Variants in NRG1 observed in about 807,000 individuals in gnomAD.
NRG1 encodes pro-neuregulin-1, membrane-bound isoform.
NRG1 carries 18 observed loss-of-function variants against 63.8 expected under a neutral mutation model. The ratio of observed to expected loss-of-function variants is 0.28; its 90% CI spans 0.19 to 0.42. NRG1 has a LOEUF of 0.42. NRG1 is among the 10% of genes least tolerant of loss of function. NRG1 has a pLI of 1.00. For synonymous variants in NRG1, 302 were observed against 301.3 expected (o/e 1.00, Z -0.02); for missense variants, 762 against 814.7 (o/e 0.94, Z 0.79).
chr8:32,476,468 T>C (rs1252846295), intron 1 of NRG1, among the ~76,000 whole-genome samples: 1 of 152,244 alleles, frequency 6.6e-6, no homozygotes, highest in Non-Finnish European at 1.5e-5. Flanking sequence ...GGAAGTTTCT[T>C]TCTGACTTAT....
At chr8:31,726,261 A>G (rs550593743) in intron 1 of NRG1, among the ~76,000 whole-genome samples, 1 of 152,296 alleles carries the variant, frequency 6.6e-6, no homozygotes, top group Non-Finnish European at 1.5e-5. Flanking sequence ...TTAAATACTG[A>G]AAATGAGATG....
At chr8:32,515,026 A>T (rs760156584) in intron 1 of NRG1, among the ~76,000 whole-genome samples, 8 of 121,564 alleles carry the variant, frequency 6.6e-5, no homozygotes, top group Non-Finnish European at 1.2e-4. Flanking sequence ...TCCACTGTTT[A>T]TGGGCACATA....
intron 1 of NRG1, among the ~76,000 whole-genome samples, chr8:32,049,462 A>G (rs1821624664): frequency 2.0e-5 from 3 of 152,170 alleles, no homozygotes; most frequent in Admixed American, 1.3e-4. Context: ...GCCTCTGGCT[A>G]ATTTTTGATA....
chr8:31,710,699 A>G (rs1811654528), intron 1 of NRG1, among the ~76,000 whole-genome samples: 1 of 151,964 alleles, frequency 6.6e-6, no homozygotes, highest in African/African-American at 2.4e-5. Flanking sequence ...CCACATTTTA[A>G]TTTTAATTAT....
At chr8:32,388,490 G>A (rs568896787) in intron 1 of NRG1, among the ~76,000 whole-genome samples, 9 of 152,122 alleles carry the variant, frequency 5.9e-5, no homozygotes, top group Non-Finnish European at 1.2e-4. Flanking sequence ...GTATCCACAG[G>A]CATCTTTTAA....
intron 1 of NRG1, among the ~76,000 whole-genome samples, chr8:32,425,214 A>G (rs11994615): frequency 0.96 from 145,711 of 152,314 alleles, 70,030 homozygotes; most frequent in East Asian, 1. Flanking sequence ...CCTCTTTGGA[A>G]TGGCATTTGC....
At chr8:32,748,356 C>CAG (rs1194142025) in intron 7 of NRG1, among the ~76,000 whole-genome samples, 18 of 81,070 alleles carry the variant, frequency 2.2e-4, no homozygotes, top group African/African-American at 5.1e-4. Flanking sequence ...CACACACACA[C>CAG]ACAGAGAGAG....
At chr8:31,774,266 A>G (rs1818904875) in intron 1 of NRG1, among the ~76,000 whole-genome samples, 1 of 152,110 alleles carries the variant, frequency 6.6e-6, no homozygotes, top group Non-Finnish European at 1.5e-5. Flanking sequence ...TACTTCATTT[A>G]TGATCAACAT....
intron 1 of NRG1, among the ~76,000 whole-genome samples, chr8:32,392,960 C>G (rs1587331158): frequency 6.6e-6 from 1 of 152,088 alleles, no homozygotes; most frequent in Non-Finnish European, 1.5e-5. Context: ...CCAGGCCTAG[C>G]AGGGCTGTCC....
In NRG1 at chr8:32,698,534, G is replaced by A. The variant is rs1813975376; in HGVS notation, c.503-29415G>A. Among the ~76,000 whole-genome samples the A allele has an allele frequency of 3.3e-5, 5 of 152,162 alleles. No individual in the cohort carries two copies. The South Asian group carries it at 6.2e-4, about 19-fold the overall frequency. ...CAGACATACCTGTCTTTATTGCAGTGGGGAGAAAGCCCAGGCTCATGAAAG... is the reference window on the plus strand; with the variant it reads ...CAGACATACCTGTCTTTATTGCAGTAGGGAGAAAGCCCAGGCTCATGAAAG... On this transcript the variant is annotated intron_variant, in intron 5 of 11. Transcript: ENST00000356819.
chr8:31,940,797 A>AG (rs757719660), intron 1 of NRG1, among the ~76,000 whole-genome samples: 1 of 152,138 alleles, frequency 6.6e-6, no homozygotes, highest in Non-Finnish European at 1.5e-5. Flanking sequence ...TAGAAAACCT[A>AG]GGGGAGATGG....
intron 1 of NRG1, among the ~76,000 whole-genome samples, chr8:31,696,059 T>C (rs1213289296): frequency 3.9e-5 from 6 of 152,050 alleles, no homozygotes; most frequent in African/African-American, 1.4e-4. Context: ...ATTTTTTAAG[T>C]GTTTTGTTTG....
At chr8:31,718,847 G>A (rs751376681) in intron 1 of NRG1, among the ~76,000 whole-genome samples, 6 of 152,156 alleles carry the variant, frequency 3.9e-5, no homozygotes, top group Non-Finnish European at 5.9e-5. Context: ...AAGAGCATTT[G>A]TTTATATTGT....
At chr8:32,369,283 T>A (rs1808487220) in intron 1 of NRG1, among the ~76,000 whole-genome samples, 1 of 152,234 alleles carries the variant, frequency 6.6e-6, no homozygotes. Flanking sequence ...ACTCATTCAT[T>A]GTGCAGTGTG....
intron 1 of NRG1, among the ~76,000 whole-genome samples, chr8:31,985,522 A>C (rs1241202081): frequency 6.6e-6 from 1 of 152,098 alleles, no homozygotes; most frequent in Non-Finnish European, 1.5e-5. Context: ...CTGATACACA[A>C]AAATATAAAT....
At chr8:32,222,795 C>G (rs1845959534) in intron 1 of NRG1, among the ~76,000 whole-genome samples, 1 of 152,148 alleles carries the variant, frequency 6.6e-6, no homozygotes, top group African/African-American at 2.4e-5. Context: ...TCTGCCCTAT[C>G]AAAAATGAGG....
chr8:32,281,189 T>TTTTTTTTTTTTTTTTTTTC (rs1852789914), intron 1 of NRG1, among the ~76,000 whole-genome samples: 2 of 130,284 alleles, frequency 1.5e-5, no homozygotes, highest in Admixed American at 8.1e-5. Context: ...TTTTCCTTTT[T>TTTTTTTTTTTTTTTTTTTC]TTTTTTGAGA....
At chr8:32,130,137 C>T (rs1016480972) in intron 1 of NRG1, among the ~76,000 whole-genome samples, 1 of 151,816 alleles carries the variant, frequency 6.6e-6, no homozygotes, top group African/African-American at 2.4e-5. Context: ...TTAGACATTC[C>T]TTTCGTTATC....
intron 1 of NRG1, among the ~76,000 whole-genome samples, chr8:31,974,112 G>A (rs916797402): frequency 1.3e-5 from 2 of 152,152 alleles, no homozygotes; most frequent in Non-Finnish European, 2.9e-5. Flanking sequence ...CACGTTATAT[G>A]AGTCTTCATG....
Sources: allele counts gnomAD v4.1 joint callset (sites outside exome capture counted in the v4.1 genomes callset), GRCh38; gene constraint gnomAD v4.1.1; transcripts MANE v1.5; gene names NCBI Gene and HGNC (gene_info 2026-07-23, HGNC 2026-07-21).